FIRRM: variants seen among roughly 807,000 people sequenced by gnomAD.
FIRRM encodes FIGNL1 interacting regulator of recombination and mitosis.
chr1:169,832,161 G>C, the FIRRM span, among the ~76,000 whole-genome samples: 1 of 152,122 alleles, frequency 6.6e-6, no homozygotes, highest in Non-Finnish European at 1.5e-5. Context: ...CTTTGAGTAG[G>C]AGGACTGACA....
At chr1:169,800,822 G>A in the FIRRM span, 1 of 719,626 alleles carries the variant, frequency 1.4e-6, no homozygotes, top group Admixed American at 2.5e-5. Context: ...TTAATAAAGG[G>A]CAGTGGCCTT....
chr1:169,845,298 C>T, the FIRRM span, among the ~76,000 whole-genome samples: 1 of 152,300 alleles, frequency 6.6e-6, no homozygotes, highest in South Asian at 2.1e-4. Context: ...TATAAGCCTT[C>T]AGCAAAACAT....
chr1:169,796,046 CAAAAG>C, the FIRRM span: 2 of 866,468 alleles, frequency 2.3e-6, no homozygotes, highest in Non-Finnish European at 2.8e-6. Flanking sequence ...CAATTACACT[CAAAAG>C]AAAAAAAGTA....
At chr1:169,851,592 A>AT in the FIRRM span, 2 of 569,606 alleles carry the variant, frequency 3.5e-6, no homozygotes, top group Admixed American at 3.5e-5. Context: ...GCAGACTATC[A>AT]TTTTTTCCTG....
chr1:169,803,183 C>T, the FIRRM span: 2 of 1,613,846 alleles, frequency 1.2e-6, no homozygotes, highest in Non-Finnish European at 1.7e-6. Flanking sequence ...TGGTGCAGCT[C>T]TTAGGAGCTC....
At chr1:169,826,354 C>CGCTCCGCCCAAAA in the FIRRM span, among the ~76,000 whole-genome samples, 5 of 128,860 alleles carry the variant, frequency 3.9e-5, no homozygotes, top group Admixed American at 8.7e-5. Context: ...TGAGCCACCA[C>CGCTCCGCCCAAAA]ACCCGGCATT....
At chr1:169,837,420 A>G in the FIRRM span, among the ~76,000 whole-genome samples, 1 of 152,228 alleles carries the variant, frequency 6.6e-6, no homozygotes, top group African/African-American at 2.4e-5. Flanking sequence ...GATTATGCAG[A>G]TGTAATTCTT....
the FIRRM span, among the ~76,000 whole-genome samples, chr1:169,834,473 CTT>C: frequency 6.6e-6 from 1 of 151,514 alleles, no homozygotes; most frequent in Non-Finnish European, 1.5e-5. Flanking sequence ...CTGCTTGGCT[CTT>C]TTTTTTAACC....
chr1:169,790,164 C>A, the FIRRM span, among the ~76,000 whole-genome samples: 1 of 151,886 alleles, frequency 6.6e-6, no homozygotes, highest in Non-Finnish European at 1.5e-5. Flanking sequence ...TTTGATACCC[C>A]CACATTTATC....
At chr1:169,785,633 C>T in the FIRRM span, among the ~76,000 whole-genome samples, 7 of 152,064 alleles carry the variant, frequency 4.6e-5, no homozygotes, top group Admixed American at 1.3e-4. Context: ...GCTGTTCTGC[C>T]GTTCATCTGC....
chr1:169,830,038 ACT>A, the FIRRM span, among the ~76,000 whole-genome samples: 2 of 152,150 alleles, frequency 1.3e-5, no homozygotes, highest in Non-Finnish European at 2.9e-5. Context: ...ATCATGTTGA[ACT>A]CTCCATAGCA....
the FIRRM span, among the ~76,000 whole-genome samples, chr1:169,792,030 C>T: frequency 1.3e-5 from 2 of 152,202 alleles, no homozygotes; most frequent in African/African-American, 4.8e-5. Flanking sequence ...TACAAGTTCT[C>T]TGTATTACTT....
the FIRRM span, among the ~76,000 whole-genome samples, chr1:169,831,209 A>G: frequency 6.6e-6 from 1 of 152,178 alleles, no homozygotes; most frequent in Non-Finnish European, 1.5e-5. Context: ...AAAAGAAGTC[A>G]TGTTTTATGA....
At chr1:169,821,855 T>A in the FIRRM span, 1 of 778,300 alleles carries the variant, frequency 1.3e-6, no homozygotes, top group Non-Finnish European at 2.1e-6. Context: ...CAAGCTCAGA[T>A]AGCATATAAC....
the FIRRM span, chr1:169,849,481 T>C: frequency 2.2e-5 from 34 of 1,568,740 alleles, no homozygotes; most frequent in Non-Finnish European, 2.9e-5. Context: ...TCTATTATAA[T>C]AAGGCTTGGT....
chr1:169,853,134 G>A, the FIRRM span: 1 of 779,986 alleles, frequency 1.3e-6, no homozygotes, highest in Non-Finnish European at 2.1e-6. Context: ...ACAGGATTGT[G>A]GGGAATATTC....
At chr1:169,826,211 T>A in the FIRRM span, 1 of 171,230 alleles carries the variant, frequency 5.8e-6, no homozygotes, top group Non-Finnish European at 1.3e-5. Flanking sequence ...TAGCTGGGAT[T>A]ACAGGCATGT....
the FIRRM span, chr1:169,849,411 A>G: frequency 1.1e-6 from 1 of 921,992 alleles, no homozygotes; most frequent in South Asian, 1.6e-5. Flanking sequence ...TGTTAACTTG[A>G]CAACACTGGG....
At chr1:169,789,693 A>T in the FIRRM span, among the ~76,000 whole-genome samples, 2 of 152,172 alleles carry the variant, frequency 1.3e-5, no homozygotes, top group African/African-American at 4.8e-5. Flanking sequence ...AGGGAGGGGA[A>T]TGGGATGAGA....
Sources: allele counts gnomAD v4.1 joint callset (sites outside exome capture counted in the v4.1 genomes callset), GRCh38; gene constraint gnomAD v4.1.1; transcripts MANE v1.5; gene names NCBI Gene and HGNC (gene_info 2026-07-23, HGNC 2026-07-21).